The following FYB1 variants were observed in gnomAD, a reference collection of about 807,000 sequenced individuals.
FYB1 encodes the protein FYN-binding protein 1.
A neutral mutation model predicts 94.1 loss-of-function variants in FYB1; 41 were observed. The ratio of observed to expected loss-of-function variants is 0.44; its 90% CI spans 0.34 to 0.57. The LOEUF is 0.57. Ranked by LOEUF, FYB1 falls within the 20% of genes least tolerant of loss-of-function variation. The pLI, the probability that FYB1 is intolerant of heterozygous loss-of-function variation, is 0.02. For missense variants in FYB1, 1,050 were observed against 976.8 expected, an observed-to-expected ratio of 1.07 and a Z score of -1.00; for synonymous variants, 367 against 353.2, an observed-to-expected ratio of 1.04 and a Z score of -0.44.
intron 1 of FYB1, among the ~76,000 whole-genome samples, chr5:39,269,048 CTTTTCTTT>C (rs1197666363): frequency 6.6e-6 from 1 of 151,656 alleles, no homozygotes; most frequent in African/African-American, 2.4e-5. Context: ...GTTTTCTTTT[CTTTTCTTT>C]TTTTCTTTTT....
At chr5:39,225,224 A>G (rs1750420169) in intron 1 of FYB1, among the ~76,000 whole-genome samples, 1 of 152,164 alleles carries the variant, frequency 6.6e-6, no homozygotes, top group Non-Finnish European at 1.5e-5. Flanking sequence ...CCATATATAT[A>G]CATGTATGTA....
At chr5:39,163,245 G>A (rs1411855745) in intron 2 of FYB1, among the ~76,000 whole-genome samples, 1 of 152,166 alleles carries the variant, frequency 6.6e-6, no homozygotes, top group Non-Finnish European at 1.5e-5. Context: ...AACCAATTTA[G>A]TTGAAAACAA....
chr5:39,171,512 T>C (rs1201382576), intron 2 of FYB1, among the ~76,000 whole-genome samples: 1 of 152,126 alleles, frequency 6.6e-6, no homozygotes, highest in Non-Finnish European at 1.5e-5. Flanking sequence ...GTGATTCTAA[T>C]GCACACTGAA....
chr5:39,205,430 G>T (rs909561664), intron 1 of FYB1, among the ~76,000 whole-genome samples: 1 of 152,208 alleles, frequency 6.6e-6, no homozygotes, highest in African/African-American at 2.4e-5. Flanking sequence ...ACTTTAAAGA[G>T]TACCTGACAC....
At chr5:39,190,327 T>A (rs1325458659) in intron 2 of FYB1, among the ~76,000 whole-genome samples, 1 of 151,756 alleles carries the variant, frequency 6.6e-6, no homozygotes, top group East Asian at 1.9e-4. Flanking sequence ...AAGAAGAAAG[T>A]GGGAAAATGG....
At chr5:39,114,730 T>A (rs920174483) in intron 16 of FYB1, among the ~76,000 whole-genome samples, 8 of 152,214 alleles carry the variant, frequency 5.3e-5, no homozygotes, top group African/African-American at 1.9e-4. Context: ...TTTCTGTGAG[T>A]ATCTGTATGT....
chr5:39,146,272 C>T (rs1742650072), intron 3 of FYB1, among the ~76,000 whole-genome samples: 1 of 152,122 alleles, frequency 6.6e-6, no homozygotes, highest in South Asian at 2.1e-4. Context: ...TCCCTGATTT[C>T]CTTAAGCCTA....
At chr5:39,162,148 A>C (rs1314890461) in intron 2 of FYB1, among the ~76,000 whole-genome samples, 1 of 152,150 alleles carries the variant, frequency 6.6e-6, no homozygotes, top group Non-Finnish European at 1.5e-5. Context: ...TATGAACGTT[A>C]ATGTATGTCT....
At chr5:39,112,137 T>G (rs771451122) in intron 16 of FYB1, among the ~76,000 whole-genome samples, 3 of 151,984 alleles carry the variant, frequency 2.0e-5, no homozygotes, top group Non-Finnish European at 4.4e-5. Flanking sequence ...AAATTGTGGA[T>G]TTTGTATCAG....
chr5:39,192,618 A>T (rs900308645), intron 2 of FYB1, among the ~76,000 whole-genome samples: 1 of 152,234 alleles, frequency 6.6e-6, no homozygotes, highest in African/African-American at 2.4e-5. Context: ...TATTGCCCTA[A>T]GCTATGCTAT....
chr5:39,182,595 T>A (rs2150429446), intron 2 of FYB1, among the ~76,000 whole-genome samples: 1 of 152,338 alleles, frequency 6.6e-6, no homozygotes, highest in East Asian at 1.9e-4. Context: ...GAGCTTCTTT[T>A]AGGAGAATCA....
chr5:39,234,372 C>T (rs1008812630), intron 1 of FYB1, among the ~76,000 whole-genome samples: 2 of 152,158 alleles, frequency 1.3e-5, no homozygotes, highest in South Asian at 2.1e-4. Flanking sequence ...AGCCCATGTC[C>T]TAGGCAATGT....
intron 3 of FYB1, among the ~76,000 whole-genome samples, chr5:39,143,172 A>G (rs1742334856): frequency 6.6e-6 from 1 of 152,114 alleles, no homozygotes; most frequent in Non-Finnish European, 1.5e-5. Context: ...AAATATATAC[A>G]TCTTGGGTGT....
intron 2 of FYB1, among the ~76,000 whole-genome samples, chr5:39,185,857 A>G (rs994617996): frequency 6.6e-6 from 1 of 152,060 alleles, no homozygotes; most frequent in Non-Finnish European, 1.5e-5. Flanking sequence ...GTAGGGGCCC[A>G]TGGGTGACTA....
chr5:39,194,357 CA>C (rs1462511636), intron 2 of FYB1, among the ~76,000 whole-genome samples: 2 of 151,864 alleles, frequency 1.3e-5, no homozygotes, highest in Non-Finnish European at 2.9e-5. Flanking sequence ...TCTGTCTCTA[CA>C]AAAAATTTAA....
intron 1 of FYB1, among the ~76,000 whole-genome samples, chr5:39,232,613 T>C (rs930142902): frequency 6.6e-6 from 1 of 151,858 alleles, no homozygotes; most frequent in East Asian, 1.9e-4. Context: ...CATGTGCACA[T>C]TGTGCAGGTT....
In FYB1 at chr5:39,194,988, C is replaced by T. The variant is rs575514900; in HGVS notation, c.1135+6838G>A. 5.3e-5 allele frequency among the ~76,000 whole-genome samples: 8 copies of T among 152,246 alleles called. No homozygotes were observed. In the South Asian group the frequency reaches 6.2e-4, roughly 12 times the overall value. On this transcript the variant is annotated intron_variant, in intron 2 of 18. Coordinates refer to ENST00000512982, the MANE Select transcript of FYB1 (RefSeq NM_001465.6). ...AAGTGTGCACCAGGTCCTGGGAGAA[C>T]GAGCGTGCAGGGTGTGCTGAGGGCC...
chr5:39,204,350 T>C (rs1344916323), intron 1 of FYB1, among the ~76,000 whole-genome samples: 2 of 152,058 alleles, frequency 1.3e-5, no homozygotes, highest in Non-Finnish European at 2.9e-5. Flanking sequence ...GAAAGGAAAA[T>C]GAGGCTGGAA....
chr5:39,130,487 A>G (rs765963580), intron 10 of FYB1, 103 bp downstream of exon 10: 10 of 897,068 alleles, frequency 1.1e-5, no homozygotes, highest in Non-Finnish European at 1.6e-5. Flanking sequence ...GACTTGAACA[A>G]TACACATTCT....
Sources: allele counts gnomAD v4.1 joint callset (sites outside exome capture counted in the v4.1 genomes callset), GRCh38; gene constraint gnomAD v4.1.1; transcripts MANE v1.5; gene names NCBI Gene and HGNC (gene_info 2026-07-23, HGNC 2026-07-21).